TNRC6B: variants seen among roughly 807,000 people sequenced by gnomAD.
The protein encoded by TNRC6B is trinucleotide repeat-containing gene 6B protein.
A neutral mutation model predicts 203.6 loss-of-function variants in TNRC6B; 52 were observed. The observed-to-expected ratio is 0.26, with a 90% confidence interval of 0.20 to 0.32. The LOEUF (loss-of-function observed/expected upper bound fraction) is 0.32. Among genes scored for constraint, TNRC6B ranks in the 10% least tolerant of loss-of-function variants. The pLI is 1.00. For missense variants in TNRC6B, 1,923 were observed against 2,286.2 expected (o/e 0.84, Z 3.24); for synonymous variants, 838 against 845.7 (o/e 0.99, Z 0.16).
At chr22:40,230,739 C>G (rs1279672309) in intron 1 of TNRC6B, among the ~76,000 whole-genome samples, 1 of 152,070 alleles carries the variant, frequency 6.6e-6, no homozygotes, top group Non-Finnish European at 1.5e-5. Context: ...AAGTTTTTAA[C>G]TTTGAGTCCA....
intron 17 of TNRC6B, among the ~76,000 whole-genome samples, chr22:40,311,422 G>A (rs547617087): frequency 6.6e-6 from 1 of 152,070 alleles, no homozygotes; most frequent in East Asian, 1.9e-4. Context: ...AGAAAAATGA[G>A]AACATTTAAT....
intron 3 of TNRC6B, among the ~76,000 whole-genome samples, chr22:40,143,521 G>C (rs12483853): frequency 0.13 from 20,230 of 152,010 alleles, 1,948 homozygotes; most frequent in Admixed American, 0.28. Flanking sequence ...ATAGAGTCTC[G>C]CTCTGTCACC....
At chr22:40,311,220 C>T (rs564125938) in intron 17 of TNRC6B, among the ~76,000 whole-genome samples, 14 of 152,252 alleles carry the variant, frequency 9.2e-5, no homozygotes, top group Admixed American at 3.3e-4. Flanking sequence ...ACTTTGCATT[C>T]GTCCCATGCA....
chr22:40,274,112 A>G (rs1282131211), intron 7 of TNRC6B, among the ~76,000 whole-genome samples: 2 of 152,178 alleles, frequency 1.3e-5, no homozygotes, highest in Non-Finnish European at 2.9e-5. Context: ...TGCTGTGGGT[A>G]AAATGAAGTT....
At chr22:40,306,099 T>C (rs2071084703) in intron 15 of TNRC6B, among the ~76,000 whole-genome samples, 1 of 152,022 alleles carries the variant, frequency 6.6e-6, no homozygotes, top group South Asian at 2.1e-4. Context: ...GAGACCATCC[T>C]GGCTAACACG....
At chr22:40,092,493 G>A (rs1394111211) in intron 1 of TNRC6B, among the ~76,000 whole-genome samples, 1 of 150,542 alleles carries the variant, frequency 6.6e-6, no homozygotes, top group African/African-American at 2.5e-5. Flanking sequence ...TAAGGAAATT[G>A]TGTTTTTTTA....
Position 40,165,225 on chromosome 22 carries a change from G to A in TNRC6B, c.113+9043G>A, listed in dbSNP as rs544378121. On this transcript the variant is annotated intron_variant, in intron 4 of 23. Coordinates refer to the TNRC6B transcript ENST00000301923. Reference sequence around the variant, plus strand: ...AGGGTCTCTCGCTGTCACCCAGGTTGGAGTGCAGTGGCATGGTCATGGCTT... The same window carrying A: ...AGGGTCTCTCGCTGTCACCCAGGTTAGAGTGCAGTGGCATGGTCATGGCTT... Among the ~76,000 whole-genome samples the A allele has an allele frequency of 2.6e-5, 4 of 152,014 alleles. No individual in the cohort carries two copies. In the South Asian group the frequency reaches 6.2e-4, roughly 24 times the overall value.
At chr22:40,175,816 A>T (rs1162264220), upstream of TNRC6B, among the ~76,000 whole-genome samples, 3 of 152,268 alleles carry the variant, frequency 2.0e-5, no homozygotes, top group African/African-American at 7.2e-5. Flanking sequence ...TATTCAGGCT[A>T]CCAGATTGTC....
At chr22:40,173,924 C>T (rs573689699), upstream of TNRC6B, among the ~76,000 whole-genome samples, 2 of 148,828 alleles carry the variant, frequency 1.3e-5, no homozygotes, top group Non-Finnish European at 3.0e-5. Flanking sequence ...CTGCCTTAGC[C>T]TCCCAAGTAG....
rs140785454 is a variant in TNRC6B, at chr22:40,208,070, G to A, written c.5+29930G>A. ...CGGAGCTTGCAGTGAGCTGAGATGCGCCCGTCTCTCCAGCCTGGGCAATAG... is the reference window on the plus strand; with the variant it reads ...CGGAGCTTGCAGTGAGCTGAGATGCACCCGTCTCTCCAGCCTGGGCAATAG... On this transcript the variant is annotated intron_variant, in intron 1 of 22. Transcript: ENST00000454349. Among the ~76,000 whole-genome samples the A allele has an allele frequency of 1.3e-4, 18 of 143,776 alleles. No homozygotes were observed. The East Asian group carries it at 2.1e-3, about 17-fold the overall frequency. The allele number at this position is 143,776 out of a possible 152,430, so 94.3% of individuals were successfully genotyped here. A position where few individuals can be genotyped will look rare whatever the true frequency, so the allele number is the denominator to read the frequency against.
intron 1 of TNRC6B, among the ~76,000 whole-genome samples, chr22:40,243,617 T>C (rs1056938362): frequency 3.3e-5 from 5 of 152,304 alleles, no homozygotes; most frequent in Admixed American, 2.6e-4. Flanking sequence ...TTTATTTTGC[T>C]CTTGTTGCCC....
intron 15 of TNRC6B, 90 bp from the exon 16 acceptor site, chr22:40,308,422 G>C: frequency 6.9e-7 from 1 of 1,450,058 alleles, no homozygotes; most frequent in South Asian, 1.2e-5. Flanking sequence ...ATTAGTCTTT[G>C]AATGACACTT....
chr22:40,086,140 G>A (rs2068098506), intron 1 of TNRC6B, among the ~76,000 whole-genome samples: 2 of 152,116 alleles, frequency 1.3e-5, no homozygotes, highest in Admixed American at 1.3e-4. Flanking sequence ...CAGAGTGCTG[G>A]GATTACAGGC....
chr22:40,270,726 G>A (rs1244602577), intron 6 of TNRC6B, among the ~76,000 whole-genome samples: 1 of 152,176 alleles, frequency 6.6e-6, no homozygotes, highest in Non-Finnish European at 1.5e-5. Flanking sequence ...GACCTTGAGT[G>A]TTAAATAATT....
chr22:40,144,676 GAA>G (rs34160632), intron 3 of TNRC6B, among the ~76,000 whole-genome samples: 4 of 97,292 alleles, frequency 4.1e-5, no homozygotes, highest in Admixed American at 1.2e-4. Flanking sequence ...CTCCGTCTCG[GAA>G]AAAAAAAAAA....
intron 3 of TNRC6B, among the ~76,000 whole-genome samples, chr22:40,138,820 AAAAC>A (rs1413066347): frequency 3.9e-5 from 6 of 152,340 alleles, no homozygotes; most frequent in East Asian, 3.8e-4. Flanking sequence ...TCAAAGTACC[AAAAC>A]AAACAAAACC....
At chr22:40,210,159 A>C (rs1426301391) in intron 1 of TNRC6B, among the ~76,000 whole-genome samples, 1 of 151,458 alleles carries the variant, frequency 6.6e-6, no homozygotes, top group Admixed American at 6.6e-5. Flanking sequence ...CCCAACCCCC[A>C]GGCTGCTAGA....
At chr22:40,178,944 C>G (rs1451784492) in intron 1 of TNRC6B, among the ~76,000 whole-genome samples, 1 of 152,172 alleles carries the variant, frequency 6.6e-6, no homozygotes, top group East Asian at 1.9e-4. Context: ...TATCAGTTCT[C>G]CCTGTGTATT....
intron 3 of TNRC6B, among the ~76,000 whole-genome samples, chr22:40,152,990 T>A (rs2068772985): frequency 6.6e-6 from 1 of 151,612 alleles, no homozygotes; most frequent in Non-Finnish European, 1.5e-5. Flanking sequence ...TAGTCCCAAC[T>A]ACTCGGGAGG....
Sources: gnomAD v4.1 joint callset for allele counts (sites outside exome capture counted in the v4.1 genomes callset) on GRCh38, gnomAD v4.1.1 for gene constraint, MANE v1.5 for transcripts, NCBI Gene and HGNC (gene_info 2026-07-23, HGNC 2026-07-21) for gene names.